NTRK3: variants seen among roughly 807,000 people sequenced by gnomAD.
NTRK3 encodes NT-3 growth factor receptor.
In NTRK3, 24 loss-of-function variants were observed where a neutral mutation model predicts 91.7. The ratio of observed to expected loss-of-function variants is 0.26; its 90% CI spans 0.19 to 0.37. The LOEUF is 0.37. Among genes scored for constraint, NTRK3 ranks in the 10% least tolerant of loss-of-function variants. The pLI is 1.00. For synonymous variants in NTRK3, 483 were observed against 404.0 expected (o/e 1.20, Z -2.34); for missense variants, 880 against 1,068.9 (o/e 0.82, Z 2.46).
chr15:87,868,175 G>A (rs930801560), exon 19 of NTRK3: 10 of 230,726 alleles, frequency 4.3e-5, no homozygotes, highest in African/African-American at 6.6e-5. Context: ...GTGTGTGTGC[G>A]CATATATGTA....
intron 13 of NTRK3, among the ~76,000 whole-genome samples, chr15:88,047,859 T>G (rs1405254684): frequency 6.6e-6 from 1 of 152,104 alleles, no homozygotes; most frequent in African/African-American, 2.4e-5. Context: ...AGGCCTCCTG[T>G]GTGTGGGAGT....
intron 14 of NTRK3, chr15:87,981,323 G>A (rs1269308836): frequency 6.2e-7 from 1 of 1,607,002 alleles, no homozygotes; most frequent in African/African-American, 1.3e-5. Context: ...TGTCCTTCAA[G>A]TTTAATATCC....
chr15:88,068,866 C>T (rs1003165827), intron 13 of NTRK3, among the ~76,000 whole-genome samples: 2 of 151,874 alleles, frequency 1.3e-5, no homozygotes, highest in Admixed American at 6.6e-5. Context: ...CAAATGGAGC[C>T]AAGAGGACCC....
chr15:87,866,102 G>T (rs1483108961), exon 19 of NTRK3: 2 of 228,038 alleles, frequency 8.8e-6, no homozygotes, highest in African/African-American at 2.2e-5. Flanking sequence ...AACCCTCTGT[G>T]GCATGCAGGG....
intron 17 of NTRK3, among the ~76,000 whole-genome samples, chr15:87,900,943 G>A (rs1249922903): frequency 1.3e-5 from 2 of 152,120 alleles, no homozygotes; most frequent in Non-Finnish European, 2.9e-5. Flanking sequence ...ATAATCTTTG[G>A]ATGCCCCTCC....
chr15:87,892,271 A>C (rs910978024), intron 17 of NTRK3, among the ~76,000 whole-genome samples: 1 of 151,904 alleles, frequency 6.6e-6, no homozygotes, highest in Non-Finnish European at 1.5e-5. Flanking sequence ...TCTGTTTGCA[A>C]GTTGGATAGT....
chr15:88,113,338 CAG>C (rs1220359668), intron 13 of NTRK3, among the ~76,000 whole-genome samples: 1 of 103,242 alleles, frequency 9.7e-6, no homozygotes, highest in Admixed American at 1.1e-4. Flanking sequence ...TTTTTTGAGA[CAG>C]AGTCTCACTC....
At chr15:87,903,455 G>T (rs1434530174) in intron 17 of NTRK3, among the ~76,000 whole-genome samples, 1 of 152,128 alleles carries the variant, frequency 6.6e-6, no homozygotes, top group African/African-American at 2.4e-5. Context: ...TTCCCTTGAA[G>T]ACCTGAGCCC....
chr15:88,085,159 ACGTTG>A (rs1035960131), intron 13 of NTRK3, among the ~76,000 whole-genome samples: 1 of 152,166 alleles, frequency 6.6e-6, no homozygotes, highest in African/African-American at 2.4e-5. Flanking sequence ...CTTTCTTCCT[ACGTTG>A]AGAAACAGGC....
chr15:87,902,628 C>A (rs945163753), intron 17 of NTRK3, among the ~76,000 whole-genome samples: 1 of 133,866 alleles, frequency 7.5e-6, no homozygotes, highest in Non-Finnish European at 1.7e-5. Flanking sequence ...GAAGCCAACA[C>A]TAGAAATAAT....
At chr15:87,929,611 G>C (rs1392929492) in intron 16 of NTRK3, among the ~76,000 whole-genome samples, 177 bp from the exon 17 acceptor site, 1 of 152,186 alleles carries the variant, frequency 6.6e-6, no homozygotes, top group African/African-American at 2.4e-5. Context: ...GTGTGGGTAA[G>C]GGTGAAACTC....
At chr15:88,226,133 C>A (rs1157175748) in intron 3 of NTRK3, among the ~76,000 whole-genome samples, 1 of 152,198 alleles carries the variant, frequency 6.6e-6, no homozygotes, top group African/African-American at 2.4e-5. Flanking sequence ...GCCTCAGTTT[C>A]CTCATCTGTA....
At chr15:87,966,328 T>C (rs192072086) in intron 14 of NTRK3, among the ~76,000 whole-genome samples, 50 of 152,330 alleles carry the variant, frequency 3.3e-4, no homozygotes, top group East Asian at 2.7e-3. Context: ...CTTATCCTCC[T>C]GCCCTGCGAA....
chr15:88,006,267 G>A (rs2076482191), intron 14 of NTRK3, among the ~76,000 whole-genome samples: 1 of 152,188 alleles, frequency 6.6e-6, no homozygotes, highest in South Asian at 2.1e-4. Context: ...CACCGTAAGA[G>A]TGTTCCTCGG....
intron 17 of NTRK3, chr15:87,927,790 T>A (rs1185548049): frequency 6.6e-6 from 1 of 152,194 alleles, no homozygotes; most frequent in Admixed American, 6.5e-5. Context: ...ATCTTGGAAT[T>A]CCCATCCTCC....
At chr15:88,177,159 G>C (rs764252506) in intron 5 of NTRK3, among the ~76,000 whole-genome samples, 1 of 152,168 alleles carries the variant, frequency 6.6e-6, no homozygotes, top group East Asian at 1.9e-4. Context: ...AATTAGAGAG[G>C]GAGACAGAAA....
At chr15:88,075,797 G>A (rs1484345854) in intron 13 of NTRK3, among the ~76,000 whole-genome samples, 1 of 152,182 alleles carries the variant, frequency 6.6e-6, no homozygotes, top group African/African-American at 2.4e-5. Flanking sequence ...TGGGGGCAGG[G>A]GGTGTCACAT....
intron 13 of NTRK3, chr15:88,072,489 C>G (rs1303007246): frequency 4.3e-6 from 1 of 231,612 alleles, no homozygotes; most frequent in African/African-American, 2.2e-5. Flanking sequence ...TTTCATCAGG[C>G]TGAGGTTGCC....
chr15:87,920,592 T>A (rs1390925735), intron 17 of NTRK3, among the ~76,000 whole-genome samples: 2 of 152,216 alleles, frequency 1.3e-5, no homozygotes, highest in Non-Finnish European at 2.9e-5. Flanking sequence ...CCACTTGCTA[T>A]ATGAAGATGG....
Sources: gnomAD v4.1 joint callset for allele counts (sites outside exome capture counted in the v4.1 genomes callset) on GRCh38, gnomAD v4.1.1 for gene constraint, MANE v1.5 for transcripts, NCBI Gene and HGNC (gene_info 2026-07-23, HGNC 2026-07-21) for gene names.